Variants in EYA4 observed in about 807,000 individuals in gnomAD.
The protein encoded by EYA4 is protein phosphatase EYA4.
A neutral mutation model predicts 87.9 loss-of-function variants in EYA4; 31 were observed. The ratio of observed to expected loss-of-function variants is 0.35; its 90% CI spans 0.27 to 0.48. EYA4 has a LOEUF of 0.48. Ranked by LOEUF, EYA4 falls within the 20% of genes least tolerant of loss-of-function variation. The pLI is 0.99. For synonymous variants in EYA4, 263 were observed against 270.6 expected (o/e 0.97, Z 0.28); for missense variants, 678 against 761.4 (o/e 0.89, Z 1.29).
At chr6:133,273,647 T>G (rs1776921674) in intron 1 of EYA4, among the ~76,000 whole-genome samples, 1 of 152,206 alleles carries the variant, frequency 6.6e-6, no homozygotes, top group East Asian at 1.9e-4. Flanking sequence ...TCTAAATTGT[T>G]TTTATTATAA....
chr6:133,461,620 T>C (rs970962835), intron 7 of EYA4, among the ~76,000 whole-genome samples: 1 of 152,238 alleles, frequency 6.6e-6, no homozygotes, highest in African/African-American at 2.4e-5. Flanking sequence ...ATATTGGGTG[T>C]ATATCTGAAT....
intron 3 of EYA4, among the ~76,000 whole-genome samples, chr6:133,424,319 G>T (rs1790461164): frequency 6.6e-6 from 1 of 152,174 alleles, no homozygotes; most frequent in South Asian, 2.1e-4. Context: ...CTGCAGGACT[G>T]GCGTCCCAGC....
chr6:133,357,803 C>T (rs1784181243), intron 2 of EYA4, among the ~76,000 whole-genome samples: 1 of 152,000 alleles, frequency 6.6e-6, no homozygotes, highest in Non-Finnish European at 1.5e-5. Flanking sequence ...ATAGTTTTTC[C>T]TGTGGCACAG....
At position 133,529,156 on chromosome 6, in the gene EYA4, C is replaced by T; in HGVS notation, c.*351C>T. 1 of 1,176,148 alleles carries T rather than the reference C, an allele frequency of 8.5e-7. No homozygotes were observed. Among genetic ancestry groups the T allele is most frequent in the Non-Finnish European group, 1.1e-6 (1 of 938,260 alleles). 72.9% of individuals were successfully genotyped at this position (1,176,148 alleles called of 1,614,324 possible). On this transcript the variant is annotated 3_prime_UTR_variant, in exon 20 of 20. Transcript: ENST00000355286. ...ATGCTCCGTCTGACAAGGTGGTCAA[C>T]AACATTCCTCAAAATGGGAGATCTT...
At chr6:133,390,205 C>T (rs1787134247) in intron 3 of EYA4, among the ~76,000 whole-genome samples, 1 of 151,702 alleles carries the variant, frequency 6.6e-6, no homozygotes, top group East Asian at 1.9e-4. Flanking sequence ...GTTGTCCACT[C>T]TCCTAGTTCT....
intron 2 of EYA4, among the ~76,000 whole-genome samples, chr6:133,304,880 G>C (rs1279632916): frequency 6.6e-6 from 1 of 152,146 alleles, no homozygotes; most frequent in Admixed American, 6.6e-5. Context: ...TTATATTTCT[G>C]AGTGTGGTGG....
At chr6:133,281,080 C>T (rs1777585138) in intron 2 of EYA4, among the ~76,000 whole-genome samples, 1 of 152,090 alleles carries the variant, frequency 6.6e-6, no homozygotes, top group Non-Finnish European at 1.5e-5. Flanking sequence ...AATAATATTC[C>T]ATTGTATGGA....
intron 2 of EYA4, among the ~76,000 whole-genome samples, chr6:133,333,296 A>G (rs1346170164): frequency 1.3e-5 from 2 of 152,230 alleles, no homozygotes; most frequent in Non-Finnish European, 2.9e-5. Flanking sequence ...GAACGTAACA[A>G]TTTAATCTGT....
At chr6:133,293,661 A>G (rs385859) in intron 2 of EYA4, among the ~76,000 whole-genome samples, 118,192 of 151,980 alleles carry the variant, frequency 0.78, 47,049 homozygotes, top group African/African-American at 0.95. Context: ...TAACAGTTAG[A>G]GCCTGGGCGC....
chr6:133,425,406 T>G (rs1889946), intron 3 of EYA4, among the ~76,000 whole-genome samples: 46,292 of 149,450 alleles, frequency 0.31, 8,177 homozygotes, highest in East Asian at 0.48. Flanking sequence ...AGTAATATAA[T>G]AATATCCATC....
In EYA4 at chr6:133,530,973, C is replaced by T; in HGVS notation, c.*2168C>T. Reference sequence around the variant, plus strand: ...GCACTAAAACCTTAAATATTTATTACTGTGAATAAAAACAAATTATCTTTA... The same window carrying T: ...GCACTAAAACCTTAAATATTTATTATTGTGAATAAAAACAAATTATCTTTA... On this transcript the variant is annotated 3_prime_UTR_variant, in exon 20 of 20. Coordinates refer to ENST00000355286, the MANE Select transcript of EYA4 (RefSeq NM_004100.5). The T allele has an allele frequency of 7.9e-7, 1 of 1,261,880 alleles. No homozygotes were observed. Among genetic ancestry groups the T allele is most frequent in the African/African-American group, 1.5e-5 (1 of 65,894 alleles). The allele number at this position is 1,261,880 out of a possible 1,614,324, so 78.2% of individuals were successfully genotyped here.
chr6:133,273,097 G>GTATATATATATATATATATATATA (rs3065331), intron 1 of EYA4, among the ~76,000 whole-genome samples: 11 of 106,638 alleles, frequency 1.0e-4, no homozygotes, highest in African/African-American at 2.9e-4. Flanking sequence ...ATATATATAT[G>GTATATATATATATATATATATATA]TATATATATA....
At chr6:133,366,406 G>A (rs1784855325) in intron 2 of EYA4, among the ~76,000 whole-genome samples, 1 of 152,182 alleles carries the variant, frequency 6.6e-6, no homozygotes, top group Admixed American at 6.5e-5. Context: ...CTCAGGTGGT[G>A]ATAAAAATTT....
intron 2 of EYA4, among the ~76,000 whole-genome samples, chr6:133,355,351 A>G (rs561119823): frequency 6.6e-6 from 1 of 152,306 alleles, no homozygotes; most frequent in Non-Finnish European, 1.5e-5. Context: ...AAAGAAATAT[A>G]AATCATTCTG....
intron 13 of EYA4, among the ~76,000 whole-genome samples, chr6:133,494,098 A>G (rs575478649): frequency 6.6e-6 from 1 of 152,222 alleles, no homozygotes; most frequent in African/African-American, 2.4e-5. Flanking sequence ...AAAGGAAATC[A>G]GTATATCAAA....
At chr6:133,406,711 G>T (rs2128527171) in intron 3 of EYA4, among the ~76,000 whole-genome samples, 1 of 152,214 alleles carries the variant, frequency 6.6e-6, no homozygotes, top group South Asian at 2.1e-4. Flanking sequence ...CTGTTAACAG[G>T]TTGTATAAAA....
intron 5 of EYA4, among the ~76,000 whole-genome samples, chr6:133,449,895 A>T (rs1454140091): frequency 6.6e-6 from 1 of 152,252 alleles, no homozygotes; most frequent in Admixed American, 6.5e-5. Flanking sequence ...GGCTAAAGAA[A>T]GCAAACTTTT....
At position 133,334,793 on chromosome 6, in the gene EYA4, G is replaced by GTATTAGTA. The variant is rs569213033; in HGVS notation, c.34-47596_34-47589dup. ...TTATGTACTCTGAAGATCTTGGTAA[G>GTATTAGTA]TATTAGTATAAATATTAGAAATAAT... On this transcript the variant is annotated intron_variant, in intron 2 of 19. Transcript: ENST00000355286. Among the ~76,000 whole-genome samples the GTATTAGTA allele has an allele frequency of 1.9e-3, 286 of 152,248 alleles. 1 individual carries two copies. The highest frequency in any genetic ancestry group is 6.4e-3 in the African/African-American group (267 of 41,556).
At chr6:133,354,331 GTTATTA>G (rs368557389) in intron 2 of EYA4, among the ~76,000 whole-genome samples, 1,627 of 151,876 alleles carry the variant, frequency 0.011, 22 homozygotes, top group African/African-American at 0.037. Flanking sequence ...AATAGTTACT[GTTATTA>G]TTATTATTAT....
Sources: gnomAD v4.1 joint callset for allele counts (sites outside exome capture counted in the v4.1 genomes callset) on GRCh38, gnomAD v4.1.1 for gene constraint, MANE v1.5 for transcripts, NCBI Gene and HGNC (gene_info 2026-07-23, HGNC 2026-07-21) for gene names.